Variants in SATB2 observed in about 807,000 individuals in gnomAD.
SATB2 encodes the protein SATB homeobox 2.
SATB2 carries 1 observed loss-of-function variant against 73.4 expected under a neutral mutation model. The ratio of observed to expected loss-of-function variants is 0.01; its 90% CI spans 0.00 to 0.06. SATB2 has a LOEUF of 0.06. Ranked by LOEUF, SATB2 falls within the 10% of genes least tolerant of loss-of-function variation. SATB2 has a pLI of 1.00. For synonymous variants in SATB2, 397 were observed against 367.0 expected, an observed-to-expected ratio of 1.08 and a Z score of -0.93; for missense variants, 459 against 945.8, an observed-to-expected ratio of 0.49 and a Z score of 6.75.
chr2:199,291,660 C>A (rs956051084), intron 10 of SATB2, among the ~76,000 whole-genome samples: 3 of 152,130 alleles, frequency 2.0e-5, no homozygotes, highest in Non-Finnish European at 4.4e-5. Flanking sequence ...CATCTGTAAT[C>A]CCAGCACTTT....
intron 2 of SATB2, among the ~76,000 whole-genome samples, chr2:199,437,093 C>T (rs935766829): frequency 3.3e-5 from 5 of 152,076 alleles, no homozygotes; most frequent in African/African-American, 1.2e-4. Context: ...AAAAGAAAAT[C>T]TTGCTCTAGC....
At chr2:199,386,689 TGCGCAAGCGCGCGCGCGCGCGCGC>T (rs1559021422) in intron 3 of SATB2, among the ~76,000 whole-genome samples, 2 of 36,870 alleles carry the variant, frequency 5.4e-5, no homozygotes, top group African/African-American at 4.4e-4. Context: ...TTCATACACG[TGCGCAAGCGCGCGCGCGCGCGCGC>T]GCGCACACAC....
chr2:199,416,293 TCAAA>T (rs996909701), intron 3 of SATB2, among the ~76,000 whole-genome samples: 16 of 152,206 alleles, frequency 1.1e-4, no homozygotes, highest in East Asian at 5.8e-4. Context: ...TGGGTAATTA[TCAAA>T]CAGACTATCC....
chr2:199,402,982 A>G lies in SATB2; in HGVS notation c.347-21162T>C, dbSNP rs185242019. ...CCAGGTTAACTGTAATAACAAGAAA[A>G]CTAAGTTAAACTTAAAATCTGAAAT... On this transcript the variant is annotated intron_variant, in intron 3 of 10. Coordinates refer to ENST00000417098, the MANE Select transcript of SATB2 (RefSeq NM_001172509.2). Among the ~76,000 whole-genome samples, 185 of 152,350 alleles carry G rather than the reference A, an allele frequency of 1.2e-3. 1 individual carries two copies. Among genetic ancestry groups the G allele is most frequent in the African/African-American group, 4.3e-3 (178 of 41,590 alleles).
chr2:199,470,312 G>A (rs2105973437), intron 1 of SATB2: 1 of 152,284 alleles, frequency 6.6e-6, no homozygotes, highest in African/African-American at 2.4e-5. Flanking sequence ...TCTGAGCATC[G>A]GCCTTTCTTT....
At chr2:199,409,397 G>A (rs1024454828) in intron 3 of SATB2, among the ~76,000 whole-genome samples, 1 of 151,900 alleles carries the variant, frequency 6.6e-6, no homozygotes, top group African/African-American at 2.4e-5. Flanking sequence ...CCCGAACTCC[G>A]GACCTCAGGT....
At chr2:199,404,040 T>C (rs906535493) in intron 3 of SATB2, among the ~76,000 whole-genome samples, 7 of 152,122 alleles carry the variant, frequency 4.6e-5, no homozygotes, top group African/African-American at 1.7e-4. Flanking sequence ...ATAATCCACA[T>C]GCAGATGCCA....
At chr2:199,283,007 G>A (rs1337224259) in intron 10 of SATB2, among the ~76,000 whole-genome samples, 36 of 152,112 alleles carry the variant, frequency 2.4e-4, no homozygotes. Context: ...CTCAAAGTGT[G>A]GTCCATGCAA....
At chr2:199,460,596 T>C (rs1692454246), upstream of SATB2, 1 of 152,380 alleles carries the variant, frequency 6.6e-6, no homozygotes, top group Admixed American at 6.5e-5. The surrounding 1 kb of genome is among the most constrained non-coding windows in gnomAD (Gnocchi z 4.0). Context: ...TATTATTATA[T>C]CTGATGATGC....
At chr2:199,295,678 A>T (rs1693009842) in intron 10 of SATB2, among the ~76,000 whole-genome samples, 1 of 152,146 alleles carries the variant, frequency 6.6e-6, no homozygotes, top group Non-Finnish European at 1.5e-5. Flanking sequence ...GCCTGGCCTG[A>T]CTTACCTGTC....
In SATB2 at chr2:199,381,676, ATG is replaced by A; in HGVS notation, c.473+16_473+17del. The A allele has an allele frequency of 1.9e-6, 3 of 1,613,912 alleles. No homozygotes were observed. The highest frequency in any genetic ancestry group is 2.5e-6 in the Non-Finnish European group (3 of 1,179,832). On this transcript the variant is annotated intron_variant, in intron 4 of 10. Transcript: ENST00000417098. Reference sequence around the variant, plus strand: ...CAGCTCTGACAGTAAGGAAAAGCAGATGTTCAGAAACACCCACCTTTGTAATT... The same window carrying A: ...CAGCTCTGACAGTAAGGAAAAGCAGATTCAGAAACACCCACCTTTGTAATT...
At chr2:199,338,957 C>T (rs1052644401) in intron 7 of SATB2, among the ~76,000 whole-genome samples, 3 of 150,854 alleles carry the variant, frequency 2.0e-5, no homozygotes, top group African/African-American at 7.3e-5. Flanking sequence ...ACAAGACAGA[C>T]CAGTATGTCA....
intron 9 of SATB2, among the ~76,000 whole-genome samples, chr2:199,322,554 G>C (rs1687920231): frequency 6.6e-6 from 1 of 152,120 alleles, no homozygotes; most frequent in Admixed American, 6.6e-5. Flanking sequence ...GAGAAAGTCA[G>C]AGTAATCTGG....
At chr2:199,281,872 T>C (rs1254501600) in intron 10 of SATB2, among the ~76,000 whole-genome samples, 1 of 144,578 alleles carries the variant, frequency 6.9e-6, no homozygotes, top group South Asian at 2.2e-4. Flanking sequence ...CTGCATTCCA[T>C]ATTCTCTCTC....
At chr2:199,376,276 T>C (rs1466634401) in intron 5 of SATB2, among the ~76,000 whole-genome samples, 1 of 152,238 alleles carries the variant, frequency 6.6e-6, no homozygotes, top group East Asian at 1.9e-4. Flanking sequence ...CAAATTACTC[T>C]ATTCACTGTT....
At chr2:199,458,156 T>C (rs1692349222), upstream of SATB2, 1 of 147,068 alleles carries the variant, frequency 6.8e-6, no homozygotes, top group Admixed American at 1.3e-4. Context: ...GGGATGGATC[T>C]AAACCCAAGC....
chr2:199,458,388 G>A (rs755720626), upstream of SATB2: 4 of 332,158 alleles, frequency 1.2e-5, no homozygotes, highest in South Asian at 2.1e-5. Context: ...GAGAGTCGGC[G>A]GTCGGAGCGG....
At chr2:199,342,498 A>G (rs2105814512) in intron 7 of SATB2, among the ~76,000 whole-genome samples, 1 of 152,108 alleles carries the variant, frequency 6.6e-6, no homozygotes, top group South Asian at 2.1e-4. Flanking sequence ...ATAATGACCT[A>G]ATGGCACAGA....
At chr2:199,407,581 C>A (rs982348781) in intron 3 of SATB2, among the ~76,000 whole-genome samples, 6 of 152,062 alleles carry the variant, frequency 3.9e-5, no homozygotes, top group South Asian at 2.1e-4. Context: ...TAGAAAAACA[C>A]AGGACAACTG....
Sources: allele counts gnomAD v4.1 joint callset (sites outside exome capture counted in the v4.1 genomes callset), GRCh38; gene constraint gnomAD v4.1.1; non-coding constraint Gnocchi (gnomAD v3.1); transcripts MANE v1.5; gene names NCBI Gene and HGNC (gene_info 2026-07-23, HGNC 2026-07-21).